ZNF500: variants seen among roughly 807,000 people sequenced by gnomAD.
The protein encoded by ZNF500 is zinc finger protein 500.
ZNF500 carries 31 observed loss-of-function variants against 30.1 expected under a neutral mutation model. That is an observed-to-expected ratio of 1.03 (90% CI 0.77 to 1.39). The LOEUF is 1.39. Ranked by LOEUF, ZNF500 falls within the 40% of genes most tolerant of loss-of-function variation. The probability of loss-of-function intolerance (pLI) is 0.00; values close to 1 mark genes in which losing one functional copy is unlikely to be tolerated. For missense variants in ZNF500, 817 were observed against 657.8 expected, an observed-to-expected ratio of 1.24 and a Z score of -2.65; for synonymous variants, 392 against 282.0, an observed-to-expected ratio of 1.39 and a Z score of -3.91.
Position 4,761,516 on chromosome 16 carries a change from CACACACACACAT to C in ZNF500, c.663+743_663+754del, listed in dbSNP as rs1299795801. ...ACACACACACACACACACACACACA[CACACACACACAT>C]ATAAAAATTATAAATAAATAAATAA... On this transcript the variant is annotated intron_variant, in intron 4 of 5. Coordinates refer to ENST00000219478, the MANE Select transcript of ZNF500 (RefSeq NM_021646.4). 2.1e-3 allele frequency among the ~76,000 whole-genome samples: 271 copies of C among 127,688 alleles called. 3 individuals carry two copies. Among genetic ancestry groups the C allele is most frequent in the African/African-American group, 6.7e-3 (192 of 28,694 alleles). 83.8% of individuals were successfully genotyped at this position (127,688 alleles called of 152,430 possible). A position where few individuals can be genotyped will look rare whatever the true frequency, so the allele number is the denominator to read the frequency against.
intron 1 of ZNF500, 81 bp from the exon 2 acceptor site, chr16:4,766,157 T>A (rs55709627): frequency 1.7e-6 from 1 of 593,118 alleles, no homozygotes; most frequent in South Asian, 3.9e-5. Flanking sequence ...CCTGCCCTGG[T>A]TCCAAGGCCA....
chr16:4,760,165 T>A (rs149329906), intron 5 of ZNF500, among the ~76,000 whole-genome samples: 1 of 152,072 alleles, frequency 6.6e-6, no homozygotes, highest in Non-Finnish European at 1.5e-5. Context: ...GTGCTCAGTG[T>A]GATGGGGAGA....
At position 4,765,575 on chromosome 16, in the gene ZNF500, T is replaced by C. The variant is rs2141851555; in HGVS notation, c.404A>G (p.His135Arg). 6.3e-7 allele frequency: 1 copy of C among 1,596,734 alleles called. No individual in the cohort carries two copies. ...AATGCCCCCACTCACCCGCTGCCTG[T>C]GTTTCCTGGGCTTCCGCTGCAGCCC... ...VEGLQRKPRK[H>R]RQRGSELLSD... Residue 135 changes from histidine (H) to arginine (R), a missense_variant, in exon 2 of 6, where the codon CAC (histidine) becomes CGC (arginine). Transcript: ENST00000219478.
In ZNF500 at chr16:4,760,539, G is replaced by C; in HGVS notation, c.713C>G (p.Pro238Arg). The change falls in exon 5 of 6, where the codon CCA becomes CGA. Residue 238 changes from proline to arginine, a missense_variant. By Grantham distance (103) the Pro-to-Arg change is moderately radical (BLOSUM62 -2). Coordinates refer to ENST00000219478, the MANE Select transcript of ZNF500 (RefSeq NM_021646.4). ...DVAVYLSGEE[P>R]RCMDPAQRDA... ...CCGCTGAGCTGGGTCCATGCATCTT[G>C]GCTCCTCCCCAGAAAGGTATACAGC... 1 of 1,613,728 alleles carries C rather than the reference G, an allele frequency of 6.2e-7. No individual in the cohort carries two copies. Among genetic ancestry groups the C allele is most frequent in the South Asian group, 1.1e-5 (1 of 90,970 alleles).
chr16:4,752,128 A>C lies in ZNF500; in HGVS notation c.*248T>G, dbSNP rs558519010. ...CCTCCTGAGTGTGTCTCTGTGGCTG[A>C]AGCCCCTGCTCTGTGTCACCTGTTC... On this transcript the variant is annotated 3_prime_UTR_variant, in exon 6 of 6. Transcript: ENST00000219478. 3 of 1,346,134 alleles carry C rather than the reference A, an allele frequency of 2.2e-6. No individual in the cohort carries two copies. Among genetic ancestry groups the C allele is most frequent in the South Asian group, 2.2e-5 (1 of 45,716 alleles). 83.4% of individuals were successfully genotyped at this position (1,346,134 alleles called of 1,614,324 possible).
chr16:4,752,667 G>T lies in ZNF500; in HGVS notation c.1152C>A (p.Pro384=). 1 of 1,613,646 alleles carries T rather than the reference G, an allele frequency of 6.2e-7. No homozygotes were observed. The highest frequency in any genetic ancestry group is 8.5e-7 in the Non-Finnish European group (1 of 1,179,854). The change falls in exon 6 of 6, where the codon CCC becomes CCA. Residue 384 remains proline, a synonymous_variant. Coordinates refer to ENST00000219478, the MANE Select transcript of ZNF500 (RefSeq NM_021646.4). The stretch of plus-strand genomic sequence containing the variant: ...TCTGGCTGAAGCGCTTCCCACACTC[G>T]GGGCACGGGTAGGGCTTCTCGCCTG... ...VHTGEKPYPC[P]ECGKRFSQSS... is the part of the protein sequence containing the mutation.
At chr16:4,745,796 C>T (rs1367929089), downstream of ZNF500, among the ~76,000 whole-genome samples, 1 of 151,710 alleles carries the variant, frequency 6.6e-6, no homozygotes, top group Non-Finnish European at 1.5e-5. Flanking sequence ...ACTAAAAACA[C>T]AAAAAAATTT....
chr16:4,756,958 G>C (rs9939091), intron 5 of ZNF500, among the ~76,000 whole-genome samples: 84,110 of 151,630 alleles, frequency 0.55, 24,059 homozygotes, highest in East Asian at 0.66. Context: ...ACTCCAACCT[G>C]GGTGACAGAG....
At chr16:4,764,245 G>A (rs1214854290) in intron 2 of ZNF500, 17 of 260,808 alleles carry the variant, frequency 6.5e-5, no homozygotes, top group Non-Finnish European at 1.0e-4. Context: ...CTACACAGTG[G>A]CCGGGCACAG....
chr16:4,760,803 C>T (rs150491916), intron 4 of ZNF500, among the ~76,000 whole-genome samples: 9 of 152,282 alleles, frequency 5.9e-5, no homozygotes, highest in East Asian at 5.8e-4. Flanking sequence ...GGGACACCAC[C>T]GGAGAAGGGA....
At chr16:4,763,262 G>C (rs2082227342) in intron 2 of ZNF500, 2 of 358,018 alleles carry the variant, frequency 5.6e-6, no homozygotes, top group Middle Eastern at 1.4e-3. Flanking sequence ...GCCAGGCATG[G>C]TGGCAGCACG....
downstream of ZNF500, chr16:4,745,057 C>T: frequency 6.3e-7 from 1 of 1,591,532 alleles, no homozygotes; most frequent in Non-Finnish European, 8.6e-7. Flanking sequence ...TTTAGAATGG[C>T]CCCATGGTTT....
downstream of ZNF500, among the ~76,000 whole-genome samples, chr16:4,744,686 C>T (rs1011106842): frequency 6.6e-5 from 10 of 152,322 alleles, 1 homozygote; most frequent in South Asian, 1.9e-3. Flanking sequence ...CTGCCCCCCT[C>T]AGCCCTGCTG....
At chr16:4,764,777 A>C (rs1417266259) in intron 2 of ZNF500, among the ~76,000 whole-genome samples, 1 of 137,684 alleles carries the variant, frequency 7.3e-6, no homozygotes, top group East Asian at 2.2e-4. Context: ...GCGAGACTCC[A>C]TCTCAAAAAA....
chr16:4,752,722 G>T lies in ZNF500; in HGVS notation c.1097C>A (p.Ser366Tyr), dbSNP rs138320212. ...CACCCTCTGGTGCGTGCTGAAGTTG[G>T]AGCGGTCGCTAAAGCCCTTCCCACA... ...LVCGKGFSDR[S>Y]NFSTHQRVHT... The change falls in exon 6 of 6, where the codon TCC (serine) becomes TAC (tyrosine). Residue 366 changes from serine (S) to tyrosine (Y), a missense_variant. Physicochemically the swap from Ser to Tyr is moderately radical, Grantham distance 144. Transcript: ENST00000219478. 2.5e-6 allele frequency: 4 copies of T among 1,614,098 alleles called. No homozygotes were observed. The highest frequency in any genetic ancestry group is 3.4e-6 in the Non-Finnish European group (4 of 1,180,040).
At chr16:4,761,478 TACAC>T (rs71139657) in intron 4 of ZNF500, among the ~76,000 whole-genome samples, 7,761 of 129,594 alleles carry the variant, frequency 0.06, 301 homozygotes, top group African/African-American at 0.094. Flanking sequence ...TACACATACA[TACAC>T]ACACACACAC....
chr16:4,747,469 T>G, downstream of ZNF500: 1 of 1,613,258 alleles, frequency 6.2e-7, no homozygotes, highest in Non-Finnish European at 8.5e-7. Context: ...AAGACACAGC[T>G]GGATCACGAA....
At position 4,765,647 on chromosome 16, in the gene ZNF500, C is replaced by T. The variant is rs374630511; in HGVS notation, c.332G>A (p.Arg111His). The T allele has an allele frequency of 1.2e-5, 19 of 1,613,512 alleles. No individual in the cohort carries two copies. Among genetic ancestry groups the T allele is most frequent in the South Asian group, 7.7e-5 (7 of 91,072 alleles). ...CTCACCGCTCTCCGGCTGCTGCTCGCGTACCCGAGCCTGGATCTCCCCCGG... is the reference window on the plus strand; with the variant it reads ...CTCACCGCTCTCCGGCTGCTGCTCGTGTACCCGAGCCTGGATCTCCCCCGG... ...VLPGEIQARVREQQPESGEEA... is the reference protein window; with the variant it reads ...VLPGEIQARVHEQQPESGEEA... The change falls in exon 2 of 6, where the codon CGC becomes CAC. Residue 111 changes from arginine to histidine, a missense_variant. Physicochemically the swap from Arg to His is conservative, Grantham distance 29. Transcript: ENST00000219478.
At chr16:4,747,094 C>G (rs2082027269), downstream of ZNF500, 2 of 1,422,226 alleles carry the variant, frequency 1.4e-6, no homozygotes, top group Non-Finnish European at 9.4e-7. Context: ...AGCCCTCCAC[C>G]TGGCACATTT....
Sources: allele counts gnomAD v4.1 joint callset (sites outside exome capture counted in the v4.1 genomes callset), GRCh38; gene constraint gnomAD v4.1.1; transcripts MANE v1.5; gene names NCBI Gene and HGNC (gene_info 2026-07-23, HGNC 2026-07-21).